The following MEOX2 variants were observed in gnomAD, a reference collection of about 807,000 sequenced individuals.
MEOX2 encodes the protein mesenchyme homeobox 2.
MEOX2 carries 11 observed loss-of-function variants against 27.0 expected under a neutral mutation model. That is an observed-to-expected ratio of 0.41 (90% CI 0.26 to 0.68). The LOEUF (loss-of-function observed/expected upper bound fraction) is 0.68. Ranked by LOEUF, MEOX2 falls within the 30% of genes least tolerant of loss-of-function variation. The probability of loss-of-function intolerance (pLI) is 0.33; values close to 1 mark genes in which losing one functional copy is unlikely to be tolerated. For synonymous variants in MEOX2, 189 were observed against 155.4 expected (o/e 1.22, Z -1.61); for missense variants, 436 against 385.4 (o/e 1.13, Z -1.10).
intron 1 of MEOX2, among the ~76,000 whole-genome samples, chr7:15,655,771 G>C (rs1164303523): frequency 1.3e-5 from 2 of 151,572 alleles, no homozygotes; most frequent in Admixed American, 6.6e-5. Context: ...TATAGTTCAG[G>C]TTATGGTGTA....
At chr7:15,641,899 T>A (rs1396326618) in intron 1 of MEOX2, among the ~76,000 whole-genome samples, 2 of 152,128 alleles carry the variant, frequency 1.3e-5, no homozygotes, top group Non-Finnish European at 2.9e-5. Flanking sequence ...GATACAAAAT[T>A]TTTTGTTGCC....
chr7:15,648,398 T>C (rs1326245526), intron 1 of MEOX2, among the ~76,000 whole-genome samples: 1 of 151,950 alleles, frequency 6.6e-6, no homozygotes, highest in African/African-American at 2.4e-5. Context: ...GATGAAGGAA[T>C]AAAAAGAAAG....
intron 2 of MEOX2, among the ~76,000 whole-genome samples, chr7:15,621,596 C>G (rs1781223701): frequency 6.6e-6 from 1 of 152,186 alleles, no homozygotes; most frequent in East Asian, 1.9e-4. Flanking sequence ...AAAAGGAAAC[C>G]TAATTATTAT....
At chr7:15,616,918 A>T (rs1293730501) in intron 2 of MEOX2, among the ~76,000 whole-genome samples, 1 of 152,006 alleles carries the variant, frequency 6.6e-6, no homozygotes, top group African/African-American at 2.4e-5. Context: ...AAAATGGAGG[A>T]AATGTAAATG....
chr7:15,677,776 C>T (rs1164440468), intron 1 of MEOX2: 1 of 152,176 alleles, frequency 6.6e-6, no homozygotes, highest in East Asian at 1.9e-4. Flanking sequence ...TTGCCATCAT[C>T]AAACTCTCTT....
rs113051023 is a variant in MEOX2 at position 15,627,062 on chromosome 7, G to A, written c.518-144C>T. 16 of 659,880 alleles carry A rather than the reference G, an allele frequency of 2.4e-5. 1 individual carries two copies. Among genetic ancestry groups the A allele is most frequent in the Middle Eastern group, 8.2e-4 (2 of 2,442 alleles). The allele number at this position is 659,880 out of a possible 1,614,324, so 40.9% of individuals were successfully genotyped here. On this transcript the variant is annotated intron_variant, in intron 1 of 2. Transcript: ENST00000262041. ...AGAGACCAAAGACAGCAAGACTGAC[G>A]GCAGCTCAACGGGGGGAGATATAAT... is the stretch of plus-strand genomic sequence containing the variant.
intron 1 of MEOX2, among the ~76,000 whole-genome samples, chr7:15,666,467 A>G (rs1361630594): frequency 6.6e-6 from 1 of 151,990 alleles, no homozygotes; most frequent in Non-Finnish European, 1.5e-5. Context: ...GAAATATTCA[A>G]ATGGGGCCGG....
At chr7:15,663,439 T>G (rs1299613707) in intron 1 of MEOX2, among the ~76,000 whole-genome samples, 2 of 151,604 alleles carry the variant, frequency 1.3e-5, no homozygotes, top group South Asian at 2.1e-4. Flanking sequence ...TTTAAGCAAG[T>G]CTCCTGCCTC....
intron 1 of MEOX2, among the ~76,000 whole-genome samples, chr7:15,668,487 T>A (rs1782044478): frequency 6.6e-6 from 1 of 151,858 alleles, no homozygotes; most frequent in South Asian, 2.1e-4. Flanking sequence ...TTTGTTTTTG[T>A]TTTTTTTCTT....
At chr7:15,679,367 G>A (rs1782255868) in intron 1 of MEOX2, 1 of 152,014 alleles carries the variant, frequency 6.6e-6, no homozygotes, top group Non-Finnish European at 1.5e-5. Flanking sequence ...AAAAAACTAT[G>A]AAAGTAAGCA....
At chr7:15,653,430 T>G (rs1050094751) in intron 1 of MEOX2, among the ~76,000 whole-genome samples, 12 of 151,956 alleles carry the variant, frequency 7.9e-5, no homozygotes, top group Non-Finnish European at 1.5e-4. Flanking sequence ...GTGCAGCTGG[T>G]CTTTTCATCC....
chr7:15,685,251 C>A (rs1583800891), intron 1 of MEOX2, among the ~76,000 whole-genome samples: 1 of 152,184 alleles, frequency 6.6e-6, no homozygotes, highest in Non-Finnish European at 1.5e-5. Context: ...CTGACACATT[C>A]CTTAAAATCT....
chr7:15,682,122 T>C (rs568789731), intron 1 of MEOX2: 1 of 151,336 alleles, frequency 6.6e-6, no homozygotes, highest in African/African-American at 2.4e-5. Flanking sequence ...CAGTCCAAGA[T>C]AAAGAATGGA....
At chr7:15,659,372 C>A (rs1781872322) in intron 1 of MEOX2, among the ~76,000 whole-genome samples, 1 of 152,066 alleles carries the variant, frequency 6.6e-6, no homozygotes, top group South Asian at 2.1e-4. Flanking sequence ...AATGCTTTTG[C>A]AGTCGGGTGT....
chr7:15,631,893 A>G (rs1212499306), intron 1 of MEOX2, among the ~76,000 whole-genome samples: 1 of 31,944 alleles, frequency 3.1e-5, no homozygotes, highest in Non-Finnish European at 7.3e-5. Context: ...AGAGCAAGTT[A>G]AGCCAAGGTT....
intron 2 of MEOX2, among the ~76,000 whole-genome samples, chr7:15,618,974 A>C (rs932216454): frequency 4.6e-5 from 7 of 152,082 alleles, no homozygotes; most frequent in African/African-American, 1.7e-4. Context: ...GTCTATTCTA[A>C]ACTGAATGCA....
chr7:15,631,871 A>G (rs532014175), intron 1 of MEOX2, among the ~76,000 whole-genome samples: 2 of 137,864 alleles, frequency 1.5e-5, no homozygotes, highest in South Asian at 4.5e-4. Context: ...ATAAAATTTT[A>G]CCAAAAAGAA....
chr7:15,639,493 T>G (rs889111964), intron 1 of MEOX2, among the ~76,000 whole-genome samples: 4 of 152,070 alleles, frequency 2.6e-5, no homozygotes, highest in Non-Finnish European at 4.4e-5. Flanking sequence ...TAAGTCCCAT[T>G]TGTCTGCTTT....
chr7:15,628,160 TC>T (rs1316485890), intron 1 of MEOX2, among the ~76,000 whole-genome samples: 1 of 152,116 alleles, frequency 6.6e-6, no homozygotes, highest in African/African-American at 2.4e-5. Context: ...ATGTTTTTTT[TC>T]ATGCAATGAT....
Sources: allele counts gnomAD v4.1 joint callset (sites outside exome capture counted in the v4.1 genomes callset), GRCh38; gene constraint gnomAD v4.1.1; transcripts MANE v1.5; gene names NCBI Gene and HGNC (gene_info 2026-07-23, HGNC 2026-07-21).